The following WIF1 variants were observed in gnomAD, a reference collection of about 807,000 sequenced individuals.
WIF1 encodes the protein Wnt inhibitory factor 1.
In WIF1, 35 loss-of-function variants were observed where a neutral mutation model predicts 53.5. The observed-to-expected ratio is 0.65, with a 90% CI of 0.50 to 0.87. WIF1 has a LOEUF of 0.87. Among genes scored for constraint, WIF1 ranks in the 40% least tolerant of loss-of-function variants. The pLI, the probability that WIF1 is intolerant of heterozygous loss-of-function variation, is 0.00. For synonymous variants in WIF1, 171 were observed against 170.4 expected (o/e 1.00, Z -0.03); for missense variants, 467 against 476.8 (o/e 0.98, Z 0.19).
At chr12:65,067,824 C>T in intron 4 of WIF1, 34 bp from the exon 5 acceptor site, 1 of 1,588,522 alleles carries the variant, frequency 6.3e-7, no homozygotes, top group Non-Finnish European at 8.6e-7. Context: ...TATATGGACA[C>T]CCTTGAAATC....
At chr12:65,063,575 A>T (rs192796669) in intron 6 of WIF1, among the ~76,000 whole-genome samples, 191 of 152,312 alleles carry the variant, frequency 1.3e-3, no homozygotes, top group African/African-American at 4.2e-3. Flanking sequence ...TTGTGGGAAA[A>T]AAAAAGTCCA....
intron 3 of WIF1, among the ~76,000 whole-genome samples, chr12:65,076,679 T>C (rs1484914862): frequency 6.6e-6 from 1 of 152,092 alleles, no homozygotes; most frequent in Admixed American, 6.6e-5. Context: ...AACAAAAAAA[T>C]AGGGCTCCTA....
chr12:65,118,005 G>A lies in WIF1; in HGVS notation c.288+2412C>T, dbSNP rs962798792. Among the ~76,000 whole-genome samples the A allele has an allele frequency of 2.6e-5, 4 of 152,272 alleles. No homozygotes were observed. In the South Asian group the frequency reaches 6.2e-4, roughly 24 times the overall value. On this transcript the variant is annotated intron_variant, in intron 2 of 9. Transcript: ENST00000286574. ...GTGGCCCAGAGGTTGGGGATCCTTC[G>A]TTACTGGACTAATAATTTATTGGAA...
intron 7 of WIF1, among the ~76,000 whole-genome samples, chr12:65,058,388 C>T (rs1207469020): frequency 6.6e-6 from 1 of 152,132 alleles, no homozygotes; most frequent in African/African-American, 2.4e-5. Context: ...AAGTTGGTAA[C>T]TGGGATAATG....
At chr12:65,120,764 G>A in intron 1 of WIF1, 2 of 788,658 alleles carry the variant, frequency 2.5e-6, no homozygotes, top group Non-Finnish European at 3.8e-6. Context: ...CAGGGAAAAG[G>A]GATGGACATG....
chr12:65,116,287 G>A (rs1003565410), intron 2 of WIF1, among the ~76,000 whole-genome samples: 4 of 151,634 alleles, frequency 2.6e-5, no homozygotes, highest in Non-Finnish European at 4.4e-5. Context: ...AGCAGTGGGC[G>A]AGTGTTCCCC....
At chr12:65,064,381 T>C (rs1882657041) in intron 6 of WIF1, among the ~76,000 whole-genome samples, 1 of 152,214 alleles carries the variant, frequency 6.6e-6, no homozygotes, top group African/African-American at 2.4e-5. Flanking sequence ...GAAGTATCTT[T>C]CTCTAGGGCT....
intron 8 of WIF1, among the ~76,000 whole-genome samples, chr12:65,055,753 C>A (rs571548645): frequency 6.6e-6 from 1 of 152,168 alleles, no homozygotes; most frequent in African/African-American, 2.4e-5. Flanking sequence ...CCAGCCTGGG[C>A]GACAGAGAGA....
intron 3 of WIF1, among the ~76,000 whole-genome samples, chr12:65,069,321 G>T (rs960763310): frequency 3.9e-5 from 6 of 152,084 alleles, no homozygotes; most frequent in Non-Finnish European, 7.4e-5. Flanking sequence ...GAAACTTTGT[G>T]GCATCTTCAT....
At chr12:65,072,219 C>A (rs1882795306) in intron 3 of WIF1, among the ~76,000 whole-genome samples, 1 of 152,140 alleles carries the variant, frequency 6.6e-6, no homozygotes, top group East Asian at 1.9e-4. Flanking sequence ...GTGTGGTGCA[C>A]ATCCACAATT....
intron 2 of WIF1, among the ~76,000 whole-genome samples, chr12:65,116,739 C>T (rs1883516960): frequency 6.6e-6 from 1 of 151,420 alleles, no homozygotes; most frequent in Admixed American, 6.6e-5. Flanking sequence ...TCAAGACCAG[C>T]CTGGCCAACA....
At chr12:65,061,399 T>TC (rs1882609426) in intron 7 of WIF1, among the ~76,000 whole-genome samples, 1 of 152,168 alleles carries the variant, frequency 6.6e-6, no homozygotes, top group Non-Finnish European at 1.5e-5. Flanking sequence ...AGACCAAGTT[T>TC]CCCTCAACAA....
intron 2 of WIF1, among the ~76,000 whole-genome samples, chr12:65,114,384 A>C (rs1267716567): frequency 6.6e-6 from 1 of 152,176 alleles, no homozygotes; most frequent in African/African-American, 2.4e-5. Context: ...ATGTGAGTCC[A>C]TTGTCAGAGA....
intron 2 of WIF1, among the ~76,000 whole-genome samples, chr12:65,112,446 A>ACACACACACACACACACCAT (rs1565761445): frequency 2.7e-5 from 4 of 149,130 alleles, no homozygotes; most frequent in East Asian, 3.9e-4. Flanking sequence ...ACACACACAC[A>ACACACACACACACACACCAT]CACACCATCC....
At chr12:65,120,813 A>C (rs1207473583) in intron 1 of WIF1, 1 of 842,914 alleles carries the variant, frequency 1.2e-6, no homozygotes, top group Non-Finnish European at 1.7e-6. Flanking sequence ...TGCACCTAAA[A>C]ACGCAGGGCT....
chr12:65,067,702 AC>A lies in WIF1; in HGVS notation c.626del (p.Cys209LeufsTer11), dbSNP rs1208554624. 1 of 1,613,108 alleles carries A rather than the reference AC, an allele frequency of 6.2e-7. No individual in the cohort carries two copies. The highest frequency in any genetic ancestry group is 8.5e-7 in the Non-Finnish European group (1 of 1,179,300). The part of the protein sequence containing the change: ...ECPDGFHGPH[C>X]EKALCTPRCM... ...ATCGGCTCCATGTCTTACCTTTCTC[AC>A]AGTGAGGTCCGTGGAACCCATCAGG... On this transcript the variant is annotated frameshift_variant, in exon 5 of 10. Transcript: ENST00000286574. LOFTEE classifies it high-confidence loss of function.
At position 65,074,832 on chromosome 12, in the gene WIF1, A is replaced by AAAG. The variant is rs1555186493; in HGVS notation, c.397+2913_397+2914insCTT. 4.2e-5 allele frequency among the ~76,000 whole-genome samples: 6 copies of AAAG among 142,468 alleles called. No individual in the cohort carries two copies. In the East Asian group the frequency reaches 1.2e-3, roughly 28 times the overall value. The allele number at this position is 142,468 out of a possible 152,430, so 93.5% of individuals were successfully genotyped here. On this transcript the variant is annotated intron_variant, in intron 3 of 9. Transcript: ENST00000286574. Reference sequence around the variant, plus strand: ...CACTCTGTCTCAAAAAAAAAAAAAAAAAAAAAGAAAAGAAAAAGAAAATTA... The same window carrying AAAG: ...CACTCTGTCTCAAAAAAAAAAAAAAAAAGAAAAAAGAAAAGAAAAAGAAAATTA...
intron 2 of WIF1, among the ~76,000 whole-genome samples, chr12:65,111,758 C>T (rs988934853): frequency 2.6e-5 from 4 of 152,200 alleles, no homozygotes; most frequent in Non-Finnish European, 5.9e-5. Flanking sequence ...ACCCCCAAGG[C>T]ATGATTTGTG....
chr12:65,119,657 C>T (rs1284443967), intron 2 of WIF1, among the ~76,000 whole-genome samples: 1 of 152,096 alleles, frequency 6.6e-6, no homozygotes, highest in Non-Finnish European at 1.5e-5. Context: ...GAATGCATTG[C>T]TTACCATTTG....
Sources: gnomAD v4.1 joint callset for allele counts (sites outside exome capture counted in the v4.1 genomes callset) on GRCh38, gnomAD v4.1.1 for gene constraint, MANE v1.5 for transcripts, NCBI Gene and HGNC (gene_info 2026-07-23, HGNC 2026-07-21) for gene names.